Variants in CNTNAP2 observed in about 807,000 individuals in gnomAD.
CNTNAP2 encodes contactin-associated protein-like 2.
CNTNAP2 carries 98 observed loss-of-function variants against 155.2 expected under a neutral mutation model. The observed-to-expected ratio is 0.63, with a 90% CI of 0.54 to 0.75. CNTNAP2 has a LOEUF of 0.75. CNTNAP2 is among the 30% of genes least tolerant of loss of function. The pLI, the probability that CNTNAP2 is intolerant of heterozygous loss-of-function variation, is 0.00. For synonymous variants in CNTNAP2, 651 were observed against 631.2 expected (o/e 1.03, Z -0.47); for missense variants, 1,727 against 1,688.1 (o/e 1.02, Z -0.40).
At position 147,162,477 on chromosome 7, in the gene CNTNAP2, A is replaced by G. The variant is rs898671609; in HGVS notation, c.1348+29968A>G. Among the ~76,000 whole-genome samples, 2 of 152,336 alleles carry G rather than the reference A, an allele frequency of 1.3e-5. 1 individual carries two copies. Among genetic ancestry groups the G allele is most frequent in the Middle Eastern group, 6.8e-3 (2 of 294 alleles). On this transcript the variant is annotated intron_variant, in intron 8 of 23. Transcript: ENST00000361727. ...TTCAGCATTCCTCCATGTGTTGCACATGGGTGTAGACAGGTATTAACTTAG... is the reference window on the plus strand; with the variant it reads ...TTCAGCATTCCTCCATGTGTTGCACGTGGGTGTAGACAGGTATTAACTTAG...
intron 1 of CNTNAP2, among the ~76,000 whole-genome samples, chr7:146,455,091 CA>C (rs1205553812): frequency 6.6e-6 from 1 of 152,146 alleles, no homozygotes; most frequent in African/African-American, 2.4e-5. Context: ...GGTTTTATGT[CA>C]AATCCTTTTA....
At chr7:147,662,731 A>G (rs1445460941) in intron 13 of CNTNAP2, among the ~76,000 whole-genome samples, 1 of 152,148 alleles carries the variant, frequency 6.6e-6, no homozygotes, top group African/African-American at 2.4e-5. Context: ...CACTTATTAA[A>G]TTAGAAAGGT....
chr7:147,605,598 C>T (rs561180360), intron 12 of CNTNAP2, among the ~76,000 whole-genome samples: 3 of 152,116 alleles, frequency 2.0e-5, no homozygotes, highest in Admixed American at 6.6e-5. Context: ...GTCCGCCCTT[C>T]TTGTGATATA....
At chr7:147,006,246 T>C (rs996420768) in intron 3 of CNTNAP2, among the ~76,000 whole-genome samples, 1 of 152,024 alleles carries the variant, frequency 6.6e-6, no homozygotes, top group Admixed American at 6.6e-5. Context: ...GGAAAGTGGC[T>C]AGGAGAAGTA....
chr7:147,744,160 A>G (rs992095912), intron 13 of CNTNAP2, among the ~76,000 whole-genome samples: 2 of 152,192 alleles, frequency 1.3e-5, no homozygotes, highest in Non-Finnish European at 2.9e-5. Flanking sequence ...TGAGGCTAGG[A>G]GATGCAGCAA....
chr7:148,283,254 A>AAG (rs374973083), intron 21 of CNTNAP2, among the ~76,000 whole-genome samples: 17,094 of 62,844 alleles, frequency 0.27, 2,498 homozygotes, highest in South Asian at 0.42. Flanking sequence ...AAAAAAAAAA[A>AAG]AAAAGAAAGA....
At chr7:146,787,660 G>T (rs1802598927) in intron 2 of CNTNAP2, among the ~76,000 whole-genome samples, 1 of 152,144 alleles carries the variant, frequency 6.6e-6, no homozygotes, top group African/African-American at 2.4e-5. Flanking sequence ...CGCGCATGAG[G>T]GTACCCGAGC....
At chr7:148,074,470 C>G (rs1803440860) in intron 15 of CNTNAP2, among the ~76,000 whole-genome samples, 1 of 151,774 alleles carries the variant, frequency 6.6e-6, no homozygotes, top group Non-Finnish European at 1.5e-5. Flanking sequence ...GCGGGTTGAT[C>G]ACTTGAGGTC....
intron 2 of CNTNAP2, among the ~76,000 whole-genome samples, chr7:146,820,968 C>T (rs1204900107): frequency 6.6e-6 from 1 of 152,096 alleles, no homozygotes; most frequent in Non-Finnish European, 1.5e-5. Flanking sequence ...TCTGTTTTAT[C>T]AGAGACTAGG....
At chr7:147,746,591 A>T (rs1051105730) in intron 13 of CNTNAP2, among the ~76,000 whole-genome samples, 1 of 152,040 alleles carries the variant, frequency 6.6e-6, no homozygotes, top group Non-Finnish European at 1.5e-5. Flanking sequence ...AGGTTTTCCT[A>T]GTTATCCCAT....
intron 14 of CNTNAP2, among the ~76,000 whole-genome samples, chr7:147,904,130 G>C (rs566784603): frequency 7.2e-4 from 109 of 152,268 alleles, no homozygotes; most frequent in African/African-American, 2.6e-3. Context: ...TTGCGTTGGG[G>C]ATCTGGATTG....
intron 1 of CNTNAP2, among the ~76,000 whole-genome samples, chr7:146,641,376 C>T (rs1799704747): frequency 6.6e-6 from 1 of 151,986 alleles, no homozygotes; most frequent in Admixed American, 6.6e-5. Context: ...CGAACTTCTT[C>T]CAGAAGCAGA....
intron 1 of CNTNAP2, among the ~76,000 whole-genome samples, chr7:146,475,415 A>G (rs965398593): frequency 6.6e-5 from 10 of 152,140 alleles, no homozygotes; most frequent in Non-Finnish European, 1.3e-4. Flanking sequence ...ATGAGAAGAG[A>G]CCTATTTCAA....
At chr7:148,329,755 G>A (rs1294291029) in intron 21 of CNTNAP2, among the ~76,000 whole-genome samples, 1 of 152,192 alleles carries the variant, frequency 6.6e-6, no homozygotes, top group African/African-American at 2.4e-5. Flanking sequence ...TGAGTATGTT[G>A]ATTTTAATGA....
At chr7:147,441,813 TTCTCTCTCTCTCTC>T (rs568227936) in intron 10 of CNTNAP2, among the ~76,000 whole-genome samples, 70 of 102,168 alleles carry the variant, frequency 6.9e-4, no homozygotes, top group Admixed American at 3.8e-3. Flanking sequence ...TGTAGTCTCT[TTCTCTCTCTCTCTC>T]TCTCTCTCTC....
rs760215101 is a variant in CNTNAP2, at chr7:147,977,848, T to C, written c.2256-14T>C. 1.5e-5 allele frequency: 25 copies of C among 1,613,926 alleles called. No individual in the cohort carries two copies. The highest frequency in any genetic ancestry group is 2.1e-5 in the Non-Finnish European group (25 of 1,179,976). On this transcript the variant is annotated splice_polypyrimidine_tract_variant and intron_variant, in intron 14 of 23. Transcript: ENST00000361727. The stretch of plus-strand genomic sequence containing the variant: ...AGCCTCCTCATTCTTTTTCTGTCTT[T>C]CCCTGTGATCCAGGAGGAAGGATGC...
chr7:148,317,538 A>C (rs1469068353), intron 21 of CNTNAP2, among the ~76,000 whole-genome samples: 1 of 151,928 alleles, frequency 6.6e-6, no homozygotes, highest in African/African-American at 2.4e-5. Context: ...TCTCCAAAAA[A>C]ATATTTTTAA....
At chr7:146,295,812 C>A (rs1800505150) in intron 1 of CNTNAP2, among the ~76,000 whole-genome samples, 1 of 150,932 alleles carries the variant, frequency 6.6e-6, no homozygotes, top group Non-Finnish European at 1.5e-5. Context: ...TTCATTTTCA[C>A]CTCGTAAACT....
At chr7:146,509,457 G>C (rs13221690) in intron 1 of CNTNAP2, among the ~76,000 whole-genome samples, 8,155 of 152,270 alleles carry the variant, frequency 0.054, 303 homozygotes, top group Non-Finnish European at 0.085. Context: ...TGCCAGCACT[G>C]TTTACTTTAT....
Sources: gnomAD v4.1 joint callset for allele counts (sites outside exome capture counted in the v4.1 genomes callset) on GRCh38, gnomAD v4.1.1 for gene constraint, MANE v1.5 for transcripts, NCBI Gene and HGNC (gene_info 2026-07-23, HGNC 2026-07-21) for gene names.